The following KCNT1 variants were observed in gnomAD, a reference collection of about 807,000 sequenced individuals.
KCNT1 encodes the protein potassium sodium-activated channel subfamily T member 1.
In KCNT1, 78 loss-of-function variants were observed where a neutral mutation model predicts 147.8. The ratio of observed to expected loss-of-function variants is 0.53; its 90% CI spans 0.44 to 0.64. KCNT1 has a LOEUF of 0.64. Ranked by LOEUF, KCNT1 falls within the 30% of genes least tolerant of loss-of-function variation. The pLI is 0.00. For synonymous variants in KCNT1, 867 were observed against 748.8 expected, an observed-to-expected ratio of 1.16 and a Z score of -2.58; for missense variants, 1,419 against 1,750.3, an observed-to-expected ratio of 0.81 and a Z score of 3.38.
intron 2 of KCNT1, among the ~76,000 whole-genome samples, chr9:135,718,324 G>A (rs953652175): frequency 4.4e-4 from 67 of 152,334 alleles, no homozygotes; most frequent in South Asian, 2.1e-4. Flanking sequence ...GAGTGCAGGC[G>A]GGGTCTGGAG....
At chr9:135,754,368 C>A (rs532412277) in intron 5 of KCNT1, among the ~76,000 whole-genome samples, 1 of 152,226 alleles carries the variant, frequency 6.6e-6, no homozygotes, top group African/African-American at 2.4e-5. Context: ...AGCCTCCACA[C>A]GCTCTTCCTG....
At chr9:135,781,639 TAAAA>T (rs5901090) in intron 24 of KCNT1, among the ~76,000 whole-genome samples, 5 of 143,968 alleles carry the variant, frequency 3.5e-5, no homozygotes, top group Middle Eastern at 3.7e-3. Context: ...ATACTGAAAG[TAAAA>T]AAAAAAAAAA....
Position 135,752,153 on chromosome 9 carries a change from G to A in KCNT1, c.434+1112G>A, listed in dbSNP as rs1050878998. 3 of 346,194 alleles carry A rather than the reference G, an allele frequency of 8.7e-6. No individual in the cohort carries two copies. Among genetic ancestry groups the A allele is most frequent in the Non-Finnish European group, 1.7e-5 (3 of 174,886 alleles). The allele number at this position is 346,194 out of a possible 1,614,324, so 21.4% of individuals were successfully genotyped here. ...GTGGTTGTCACCATCCAGCCATCGG[G>A]GTGAACCCTGCCAGCATGCTGGTCC... On this transcript the variant is annotated intron_variant, in intron 4 of 30. Coordinates refer to ENST00000371757, the MANE Select transcript of KCNT1 (RefSeq NM_020822.3). The surrounding 1 kb of genome is among the most constrained non-coding windows in gnomAD (Gnocchi z 5.1).
rs372023291 is a variant in KCNT1 at position 135,759,627 on chromosome 9, C to A, written c.855-52C>A. 4.9e-5 allele frequency: 75 copies of A among 1,531,320 alleles called. No homozygotes were observed. The African/African-American group carries it at 9.5e-4, about 19-fold the overall frequency. 94.9% of individuals were successfully genotyped at this position (1,531,320 alleles called of 1,614,324 possible). On this transcript the variant is annotated intron_variant, in intron 10 of 30. Coordinates refer to ENST00000371757, the MANE Select transcript of KCNT1 (RefSeq NM_020822.3). ...GGCAGGCAGGATCTCTGAGGGGCCA[C>A]GGCCCCCCAGCTCCTGGGCCCCAGG...
intron 29 of KCNT1, chr9:135,790,808 A>C (rs1443214889): frequency 2.6e-5 from 4 of 152,302 alleles, no homozygotes; most frequent in African/African-American, 9.6e-5. Flanking sequence ...TGGAACAGGA[A>C]TCCAGGAGCT....
Position 135,792,425 on chromosome 9 carries a change from C to T in KCNT1, c.*264C>T, listed in dbSNP as rs1482666177. The T allele has an allele frequency of 2.0e-5, 7 of 343,874 alleles. No homozygotes were observed. The highest frequency in any genetic ancestry group is 9.2e-5 in the Admixed American group (2 of 21,720). 21.3% of individuals were successfully genotyped at this position (343,874 alleles called of 1,614,324 possible). On this transcript the variant is annotated 3_prime_UTR_variant, in exon 31 of 31. Coordinates refer to ENST00000371757, the MANE Select transcript of KCNT1 (RefSeq NM_020822.3). ...TCCACTTCTCTTTACACAGATGTAC[C>T]GCAACTCGTGACCAGGGCTGGCTGG...
rs11103163 is a variant in KCNT1 at position 135,750,418 on chromosome 9, T to C, written c.334+241T>C. On this transcript the variant is annotated intron_variant, in intron 3 of 30. Transcript: ENST00000371757. ...GAGACCAGGGCCTCTGCAGCGGGAC[T>C]CGTGGGGACACCGTCCTGCCTGCTG... 74,106 of 568,654 alleles carry C rather than the reference T, an allele frequency of 0.13. 5,502 individuals are homozygous for C. Among genetic ancestry groups the C allele is most frequent in the South Asian group, 0.16 (8,249 of 50,922 alleles). 35.2% of individuals were successfully genotyped at this position (568,654 alleles called of 1,614,324 possible). A position where few individuals can be genotyped will look rare whatever the true frequency, so the allele number is the denominator to read the frequency against.
rs1343359299 is a variant in KCNT1 at position 135,791,781 on chromosome 9, G to C, written c.3503-16G>C. 3.7e-6 allele frequency: 6 copies of C among 1,612,474 alleles called. No individual in the cohort carries two copies. The highest frequency in any genetic ancestry group is 5.1e-6 in the Non-Finnish European group (6 of 1,179,006). ...GGGCTGGGGGGGTGACGTCTGCCCGGCTGTGTCCTTTGCAGACGAGATGAA... is the reference window on the plus strand; with the variant it reads ...GGGCTGGGGGGGTGACGTCTGCCCGCCTGTGTCCTTTGCAGACGAGATGAA... On this transcript the variant is annotated splice_polypyrimidine_tract_variant and intron_variant, in intron 29 of 30. Coordinates refer to ENST00000371757, the MANE Select transcript of KCNT1 (RefSeq NM_020822.3).
Position 135,757,399 on chromosome 9 carries a change from G to C in KCNT1, c.759+18G>C, listed in dbSNP as rs748532863. The C allele has an allele frequency of 6.2e-7, 1 of 1,602,276 alleles. No homozygotes were observed. Among genetic ancestry groups the C allele is most frequent in the South Asian group, 1.1e-5 (1 of 91,000 alleles). The stretch of plus-strand genomic sequence containing the variant: ...ACATGATTGTAAGCCGGGGCGGGGG[G>C]TGCAGCTGGGACTTGGGGGGGCCAC... On this transcript the variant is annotated intron_variant, in intron 9 of 30. Transcript: ENST00000371757.
intron 2 of KCNT1, chr9:135,742,669 G>C (rs888153103): frequency 2.8e-6 from 2 of 706,798 alleles, no homozygotes; most frequent in East Asian, 2.7e-5. Context: ...CTCTCCATCT[G>C]TCTGTCTACT....
chr9:135,772,518 C>T (rs914909763), intron 18 of KCNT1, among the ~76,000 whole-genome samples, 197 bp from the exon 19 acceptor site: 1 of 152,188 alleles, frequency 6.6e-6, no homozygotes, highest in African/African-American at 2.4e-5. Context: ...CGCTCAACAT[C>T]ATCGCCACCC....
At chr9:135,722,453 C>T (rs1442907623) in intron 2 of KCNT1, among the ~76,000 whole-genome samples, 1 of 152,260 alleles carries the variant, frequency 6.6e-6, no homozygotes, top group East Asian at 1.9e-4. Flanking sequence ...AAGCCACCAA[C>T]CGTTTGGGCT....
intron 2 of KCNT1, among the ~76,000 whole-genome samples, chr9:135,735,821 C>T (rs1830315262): frequency 6.6e-6 from 1 of 152,214 alleles, no homozygotes; most frequent in Admixed American, 6.5e-5. Context: ...CTGACAGCCT[C>T]CTGCCTCTAC....
At position 135,772,920 on chromosome 9, in the gene KCNT1, G is replaced by A. The variant is rs142424896; in HGVS notation, c.2214G>A (p.Pro738=). Residue 738 remains proline, a synonymous_variant, in exon 19 of 31, where the codon CCG becomes CCA. Coordinates refer to ENST00000371757, the MANE Select transcript of KCNT1 (RefSeq NM_020822.3). The stretch of plus-strand genomic sequence containing the variant: ...ACCAGTCGGAGGATGAGGTGACGCC[G>A]TCGGACGACGAGGGGCTCTCCGTGG... ...LSDQSEDEVT[P]SDDEGLSVVE... The A allele has an allele frequency of 6.9e-5, 105 of 1,527,084 alleles. No homozygotes were observed. The African/African-American group carries it at 8.0e-4, about 12-fold the overall frequency. 94.6% of individuals were successfully genotyped at this position (1,527,084 alleles called of 1,614,324 possible).
At chr9:135,731,991 TAGAGAGAGAGAGAGAGAGAG>T (rs1189149987) in intron 2 of KCNT1, among the ~76,000 whole-genome samples, 13 of 21,736 alleles carry the variant, frequency 6.0e-4, no homozygotes, top group Non-Finnish European at 9.2e-4. Context: ...TATATATATA[TAGAGAGAGAGAGAGAGAGAG>T]AGAGAGAGAG....
chr9:135,739,681 G>A (rs894730808), intron 2 of KCNT1, among the ~76,000 whole-genome samples: 6 of 152,220 alleles, frequency 3.9e-5, no homozygotes, highest in Non-Finnish European at 8.8e-5. Flanking sequence ...CCCCTCCTGA[G>A]TATGGTCCCG....
intron 24 of KCNT1, among the ~76,000 whole-genome samples, chr9:135,779,742 G>A (rs1368588342): frequency 6.6e-6 from 1 of 152,252 alleles, no homozygotes; most frequent in Admixed American, 6.5e-5. Context: ...GCAGGGACCA[G>A]GCCTGGCCGT....
chr9:135,776,121 G>C (rs1359846769), intron 20 of KCNT1, among the ~76,000 whole-genome samples: 1 of 152,090 alleles, frequency 6.6e-6, no homozygotes, highest in East Asian at 1.9e-4. Flanking sequence ...GGGGTCAGTA[G>C]GGTTTCCCCA....
At chr9:135,722,486 C>T (rs1835963582) in intron 2 of KCNT1, among the ~76,000 whole-genome samples, 1 of 152,246 alleles carries the variant, frequency 6.6e-6, no homozygotes, top group African/African-American at 2.4e-5. Flanking sequence ...TCCCAATGCG[C>T]TCCCTCCACT....
Sources: gnomAD v4.1 joint callset for allele counts (sites outside exome capture counted in the v4.1 genomes callset) on GRCh38, gnomAD v4.1.1 for gene constraint, Gnocchi (gnomAD v3.1) non-coding constraint, MANE v1.5 for transcripts, NCBI Gene and HGNC (gene_info 2026-07-23, HGNC 2026-07-21) for gene names.